Variants in PTPRC observed in about 807,000 individuals in gnomAD.
PTPRC encodes protein tyrosine phosphatase receptor type C, also known as receptor-type tyrosine-protein phosphatase C.
A neutral mutation model predicts 155.9 loss-of-function variants in PTPRC; 44 were observed. The ratio of observed to expected loss-of-function variants is 0.28; its 90% CI spans 0.22 to 0.36. PTPRC has a LOEUF of 0.36. PTPRC is among the 10% of genes least tolerant of loss of function. The probability of loss-of-function intolerance (pLI) is 1.00; values close to 1 mark genes in which losing one functional copy is unlikely to be tolerated. For synonymous variants in PTPRC, 525 were observed against 533.1 expected (o/e 0.98, Z 0.21); for missense variants, 1,401 against 1,564.6 (o/e 0.90, Z 1.76).
intron 13 of PTPRC, among the ~76,000 whole-genome samples, chr1:198,717,449 A>T (rs1333844255): frequency 6.6e-6 from 1 of 152,192 alleles, no homozygotes; most frequent in Non-Finnish European, 1.5e-5. Flanking sequence ...AGGACAGGGA[A>T]GAAGAAATGC....
In PTPRC at chr1:198,734,228, A is replaced by G; in HGVS notation, c.2175A>G (p.Ala725=). The G allele has an allele frequency of 1.2e-6, 2 of 1,610,936 alleles. No individual in the cohort carries two copies. Among genetic ancestry groups the G allele is most frequent in the Non-Finnish European group, 1.7e-6 (2 of 1,177,882 alleles). Residue 725 remains alanine (A), a synonymous_variant, in exon 21 of 33, where the codon GCA becomes GCG. Transcript: ENST00000442510. ...GFKEPRKYIA[A]QGPRDETVDD... Reference sequence around the variant, plus strand: ...AAGAACCCAGGAAATACATTGCTGCACAAGGTAATTTCTTTGATAATCCAA... The same window carrying G: ...AAGAACCCAGGAAATACATTGCTGCGCAAGGTAATTTCTTTGATAATCCAA...
intron 14 of PTPRC, 102 bp from the exon 15 acceptor site, chr1:198,722,314 G>T (rs1188122182): frequency 3.8e-6 from 2 of 528,468 alleles, no homozygotes; most frequent in Non-Finnish European, 5.5e-6. Context: ...TGCATGGTAT[G>T]AAAGATAATA....
In PTPRC at chr1:198,734,817, C is replaced by A. The variant is rs575591801; in HGVS notation, c.2278-310C>A. 2.0e-5 allele frequency among the ~76,000 whole-genome samples: 3 copies of A among 151,736 alleles called. No homozygotes were observed. The South Asian group carries it at 6.2e-4, about 31-fold the overall frequency. On this transcript the variant is annotated intron_variant, in intron 22 of 32. Transcript: ENST00000442510. ...TTTAGGAATAAAAGCCTCTCTGTCC[C>A]CCTACCTAAAATTAACCACAAGCAA...
chr1:198,732,246 G>A, intron 18 of PTPRC, 54 bp from the exon 19 acceptor site: 4 of 1,369,034 alleles, frequency 2.9e-6, no homozygotes, highest in South Asian at 2.3e-5. Flanking sequence ...TTGGTAAGGG[G>A]GAAATTATTT....
chr1:198,705,306 TC>T (rs1194137756), intron 8 of PTPRC, among the ~76,000 whole-genome samples: 2 of 152,118 alleles, frequency 1.3e-5, no homozygotes, highest in Non-Finnish European at 1.5e-5. Flanking sequence ...TCTTTTGTAA[TC>T]CGGTTGTCAT....
At chr1:198,696,064 G>A (rs1041064884) in intron 3 of PTPRC, among the ~76,000 whole-genome samples, 1 of 151,916 alleles carries the variant, frequency 6.6e-6, no homozygotes, top group African/African-American at 2.4e-5. Flanking sequence ...GGTGGCTGAG[G>A]CAAGAGAATC....
rs2102567005 is a variant in PTPRC, at chr1:198,757,435, A to G, written c.*1254A>G. 1 of 151,920 alleles carries G rather than the reference A, an allele frequency of 6.6e-6. No individual in the cohort carries two copies. The highest frequency in any genetic ancestry group is 2.1e-4 in the South Asian group (1 of 4,826). The allele number at this position is 151,920 out of a possible 1,614,324, so 9.4% of individuals were successfully genotyped here. A position where few individuals can be genotyped will look rare whatever the true frequency, so the allele number is the denominator to read the frequency against. On this transcript the variant is annotated 3_prime_UTR_variant, in exon 33 of 33. Coordinates refer to ENST00000442510, the MANE Select transcript of PTPRC (RefSeq NM_002838.5). ...GATCTAGAAAAAAAAAATCAAGAAT[A>G]GTGGTATTTTTCATGAAGTAATAAA...
At chr1:198,691,550 G>A (rs1471486120) in intron 2 of PTPRC, among the ~76,000 whole-genome samples, 3 of 151,902 alleles carry the variant, frequency 2.0e-5, no homozygotes, top group Non-Finnish European at 4.4e-5. Context: ...TGATTTTCCT[G>A]CCCCCACCTT....
chr1:198,712,961 G>A lies in PTPRC; in HGVS notation c.1180G>A (p.Glu394Lys), dbSNP rs749814938. The A allele has an allele frequency of 6.2e-6, 10 of 1,612,220 alleles. No individual in the cohort carries two copies. The African/African-American group carries it at 1.3e-4, about 22-fold the overall frequency. ...IIKTDFGSPG[E>K]PQIIFCRSEA... ...TCTTATTCTTTTAACAGGTCCAGGA[G>A]AGCCTCAGATTATTTTTTGTAGAAG... The change falls in exon 12 of 33, where the codon GAG becomes AAG. Residue 394 changes from glutamate to lysine, a missense_variant. Coordinates refer to ENST00000442510, the MANE Select transcript of PTPRC (RefSeq NM_002838.5).
At position 198,750,525 on chromosome 1, in the gene PTPRC, C is replaced by T. The variant is rs1283424865; in HGVS notation, c.3106C>T (p.Gln1036Ter). Residue 1036 changes from glutamine (Q) to a stop codon, truncating the protein, a stop_gained, in exon 29 of 33, where the codon CAG becomes TAG. Coordinates refer to ENST00000442510, the MANE Select transcript of PTPRC (RefSeq NM_002838.5). LOFTEE classifies it high-confidence loss of function. ...GAAACCTGAAGTGATGATTGCTGCT[C>T]AGGGACCACTGAAGGAGACCATTGG... is the stretch of plus-strand genomic sequence containing the variant. ...YWKPEVMIAA[Q>*]GPLKETIGDF... is the part of the protein sequence containing the mutation. 1 of 1,612,418 alleles carries T rather than the reference C, an allele frequency of 6.2e-7. No homozygotes were observed. Among genetic ancestry groups the T allele is most frequent in the Non-Finnish European group, 8.5e-7 (1 of 1,178,970 alleles).
chr1:198,707,680 C>T (rs1653061256), intron 9 of PTPRC, among the ~76,000 whole-genome samples: 1 of 151,776 alleles, frequency 6.6e-6, no homozygotes, highest in South Asian at 2.1e-4. Flanking sequence ...GATAAATTAC[C>T]AATTAAACAC....
intron 2 of PTPRC, 21 bp downstream of exon 2, chr1:198,639,362 A>G: frequency 6.5e-7 from 1 of 1,543,124 alleles, no homozygotes; most frequent in South Asian, 1.2e-5. Context: ...GGATATTAAT[A>G]TTTTTTAAAT....
At position 198,708,256 on chromosome 1, in the gene PTPRC, A is replaced by G; in HGVS notation, c.1028A>G (p.Gln343Arg). 7.5e-6 allele frequency: 12 copies of G among 1,605,706 alleles called. No homozygotes were observed. Among genetic ancestry groups the G allele is most frequent in the Non-Finnish European group, 1.0e-5 (12 of 1,174,010 alleles). Residue 343 changes from glutamine (Q) to arginine (R), a missense_variant, in exon 10 of 33, where the codon CAG becomes CGG. Gln to Arg is a conservative substitution (Grantham distance 43). Transcript: ENST00000442510. The stretch of plus-strand genomic sequence containing the variant: ...ACACAGAATATTACCTACAGATTTC[A>G]GTGTGGTAAGAATATAACATTGACC... The part of the protein sequence containing the change: ...CDTQNITYRF[Q>R]CGNMIFDNKE...
intron 11 of PTPRC, among the ~76,000 whole-genome samples, chr1:198,710,563 A>G (rs1653246986): frequency 6.6e-6 from 1 of 152,202 alleles, no homozygotes; most frequent in South Asian, 2.1e-4. Context: ...CAGTTCATGA[A>G]CACAAGATAT....
chr1:198,709,052 G>C (rs1314492918), intron 10 of PTPRC, among the ~76,000 whole-genome samples: 1 of 152,194 alleles, frequency 6.6e-6, no homozygotes, highest in Non-Finnish European at 1.5e-5. Context: ...AATCATGACA[G>C]ACCAATGATA....
Position 198,692,671 on chromosome 1 carries a change from T to G in PTPRC, c.100+298T>G, listed in dbSNP as rs1474795650. The G allele has an allele frequency of 8.5e-6, 8 of 944,664 alleles. No individual in the cohort carries two copies. The Admixed American group carries it at 4.5e-4, about 54-fold the overall frequency. The allele number at this position is 944,664 out of a possible 1,614,324, so 58.5% of individuals were successfully genotyped here. A position where few individuals can be genotyped will look rare whatever the true frequency, so the allele number is the denominator to read the frequency against. ...CTACTCTCTTTTAATATTTTAAGACTATAAAAAAATGCATTTAAATTAGAT... is the reference window on the plus strand; with the variant it reads ...CTACTCTCTTTTAATATTTTAAGACGATAAAAAAATGCATTTAAATTAGAT... On this transcript the variant is annotated intron_variant, in intron 3 of 32. Transcript: ENST00000442510.
chr1:198,694,360 C>A, intron 3 of PTPRC: 1 of 989,062 alleles, frequency 1.0e-6, no homozygotes, highest in Non-Finnish European at 1.4e-6. Context: ...TCCCCCAGTC[C>A]ACTGACTCAA....
chr1:198,647,688 A>C (rs1663013236), intron 2 of PTPRC, among the ~76,000 whole-genome samples: 1 of 151,848 alleles, frequency 6.6e-6, no homozygotes, highest in South Asian at 2.1e-4. Context: ...AAAAATAAGA[A>C]TTTCAGGTTT....
At position 198,735,107 on chromosome 1, in the gene PTPRC, A is replaced by T; in HGVS notation, c.2278-20A>T. On this transcript the variant is annotated intron_variant, in intron 22 of 32. Coordinates refer to ENST00000442510, the MANE Select transcript of PTPRC (RefSeq NM_002838.5). ...GCTTAAATTAAAAATTAAAATACTT[A>T]ATAATTTTTTAAAATGTAGAACAAG... The T allele has an allele frequency of 6.4e-7, 1 of 1,556,060 alleles. No individual in the cohort carries two copies. The highest frequency in any genetic ancestry group is 2.4e-5 in the East Asian group (1 of 41,010).
Sources: allele counts gnomAD v4.1 joint callset (sites outside exome capture counted in the v4.1 genomes callset), GRCh38; gene constraint gnomAD v4.1.1; transcripts MANE v1.5; gene names NCBI Gene and HGNC (gene_info 2026-07-23, HGNC 2026-07-21).